Variants in ADAMTS7 observed in about 807,000 individuals in gnomAD.
The protein encoded by ADAMTS7 is A disintegrin and metalloproteinase with thrombospondin motifs 7.
Under a neutral mutation model 172.6 loss-of-function variants are expected in ADAMTS7, and 89 were observed. The observed-to-expected ratio is 0.52, with a 90% CI of 0.43 to 0.61. ADAMTS7 has a LOEUF of 0.61. Ranked by LOEUF, ADAMTS7 falls within the 20% of genes least tolerant of loss-of-function variation. ADAMTS7 has a pLI of 0.00. For synonymous variants in ADAMTS7, 885 were observed against 978.4 expected (o/e 0.90, Z 1.78); for missense variants, 1,973 against 2,355.6 (o/e 0.84, Z 3.36).
chr15:78,782,666 G>C (rs1164389594), intron 8 of ADAMTS7, among the ~76,000 whole-genome samples: 32 of 152,208 alleles, frequency 2.1e-4, no homozygotes, highest in Admixed American at 5.9e-4. Context: ...TAGCTGACTT[G>C]GTAGAGTGAT....
chr15:78,777,412 C>G (rs2055363761), intron 9 of ADAMTS7, 32 bp downstream of exon 9: 2 of 1,604,242 alleles, frequency 1.2e-6, no homozygotes, highest in Non-Finnish European at 1.7e-6. Flanking sequence ...GCCGGGTCCC[C>G]ACACCCCCAC....
intron 1 of ADAMTS7, among the ~76,000 whole-genome samples, chr15:78,808,860 G>A (rs2055830351): frequency 1.3e-5 from 2 of 152,154 alleles, no homozygotes; most frequent in Non-Finnish European, 2.9e-5. Flanking sequence ...GTTCTGATTG[G>A]ACCAAGCTCC....
At chr15:78,772,785 G>C (rs2055272091) in intron 14 of ADAMTS7, among the ~76,000 whole-genome samples, 1 of 152,280 alleles carries the variant, frequency 6.6e-6, no homozygotes, top group East Asian at 1.9e-4. Context: ...ACGGAGCTGG[G>C]GTCTCAGAAG....
At chr15:78,805,922 A>G (rs1271406306) in intron 1 of ADAMTS7, among the ~76,000 whole-genome samples, 1 of 151,860 alleles carries the variant, frequency 6.6e-6, no homozygotes, top group Non-Finnish European at 1.5e-5. Flanking sequence ...CTCTACAAAA[A>G]TACAAAAATT....
At chr15:78,797,631 C>T (rs561019531) in intron 3 of ADAMTS7, among the ~76,000 whole-genome samples, 46 of 152,298 alleles carry the variant, frequency 3.0e-4, no homozygotes, top group African/African-American at 9.9e-4. Context: ...GGAGGAAGAA[C>T]GGCTGGCAGA....
In ADAMTS7 at chr15:78,761,994, G is replaced by A. The variant is rs561956647; in HGVS notation, c.4903+409C>T. 1.1e-5 allele frequency: 11 copies of A among 985,440 alleles called. No individual in the cohort carries two copies. The Admixed American group carries it at 1.8e-4, about 16-fold the overall frequency. 61.0% of individuals were successfully genotyped at this position (985,440 alleles called of 1,614,324 possible). On this transcript the variant is annotated intron_variant, in intron 23 of 23. Transcript: ENST00000388820. The stretch of plus-strand genomic sequence containing the variant: ...CTAGGCAGTCCTCTAGCCAGGGAAT[G>A]GACAGGCCAGGGCTGGGGACAGGGA...
Position 78,771,532 on chromosome 15 carries a change from G to A in ADAMTS7, c.2376+53C>T, listed in dbSNP as rs1277628046. ...ACGAGACCTGCCATGGAGGGTGCTG[G>A]GCCTGGGGACTCCGCCTCTGCTCCC... On this transcript the variant is annotated intron_variant, in intron 15 of 23. Coordinates refer to ENST00000388820, the MANE Select transcript of ADAMTS7 (RefSeq NM_014272.5). This position sits in a 1 kb window ranked among gnomAD's most constrained non-coding sequence, Gnocchi z 4.9. 2 of 1,554,604 alleles carry A rather than the reference G, an allele frequency of 1.3e-6. No homozygotes were observed. Among genetic ancestry groups the A allele is most frequent in the Non-Finnish European group, 1.7e-6 (2 of 1,155,044 alleles).
At chr15:78,795,765 C>T (rs1481833015) in intron 4 of ADAMTS7, among the ~76,000 whole-genome samples, 1 of 152,214 alleles carries the variant, frequency 6.6e-6, no homozygotes, top group Non-Finnish European at 1.5e-5. Context: ...ATCTTTCCTC[C>T]CAGGGGCTGC....
At chr15:78,798,823 C>T (rs530004649) in intron 2 of ADAMTS7, among the ~76,000 whole-genome samples, 23 of 152,330 alleles carry the variant, frequency 1.5e-4, no homozygotes, top group Admixed American at 9.1e-4. Flanking sequence ...TTATGTCCCT[C>T]GGACTTCCCC....
intron 1 of ADAMTS7, 25 bp downstream of exon 1, chr15:78,811,096 T>A: frequency 8.3e-7 from 1 of 1,210,164 alleles, no homozygotes; most frequent in Non-Finnish European, 1.0e-6. Context: ...CAGGCCCGGC[T>A]GGCCGGGGAG....
intron 7 of ADAMTS7, among the ~76,000 whole-genome samples, chr15:78,789,046 G>A (rs2055543819): frequency 6.6e-6 from 1 of 152,226 alleles, no homozygotes; most frequent in Non-Finnish European, 1.5e-5. Flanking sequence ...GGTCCTGCAG[G>A]CACGGCCATC....
intron 8 of ADAMTS7, among the ~76,000 whole-genome samples, chr15:78,785,095 G>C (rs1281428819): frequency 6.6e-6 from 1 of 152,168 alleles, no homozygotes; most frequent in Non-Finnish European, 1.5e-5. Flanking sequence ...ACACAGGGAA[G>C]TTGGGAGGAG....
At chr15:78,773,737 G>A (rs1394821265) in intron 13 of ADAMTS7, among the ~76,000 whole-genome samples, 2 of 152,032 alleles carry the variant, frequency 1.3e-5, no homozygotes, top group Non-Finnish European at 2.9e-5. Flanking sequence ...GCTACTCTTT[G>A]CGGCTCAGAG....
chr15:78,790,328 C>G (rs1258838016), intron 6 of ADAMTS7, among the ~76,000 whole-genome samples: 1 of 152,132 alleles, frequency 6.6e-6, no homozygotes, highest in Non-Finnish European at 1.5e-5. Flanking sequence ...ACGTGTGGAA[C>G]TGATGAGATC....
chr15:78,767,081 C>G (rs182724695), intron 18 of ADAMTS7, 30 bp from the exon 19 acceptor site: 122 of 1,518,694 alleles, frequency 8.0e-5, no homozygotes, highest in East Asian at 7.0e-4. Flanking sequence ...GAGGGGCTTA[C>G]CCTGGGAGGC....
chr15:78,781,265 T>C (rs1346188563), intron 8 of ADAMTS7, among the ~76,000 whole-genome samples: 4 of 151,960 alleles, frequency 2.6e-5, no homozygotes, highest in Admixed American at 6.6e-5. Flanking sequence ...TCCTGTCCCA[T>C]CCCCAGCAAG....
rs200125702 is a variant in ADAMTS7 at position 78,770,884 on chromosome 15, C to T, written c.2518+278G>A. On this transcript the variant is annotated intron_variant, in intron 16 of 23. Coordinates refer to ENST00000388820, the MANE Select transcript of ADAMTS7 (RefSeq NM_014272.5). The stretch of plus-strand genomic sequence containing the variant: ...GTGAGGGGCCACTGGACTGGTCTAT[C>T]GAGGGGGAGCTGTGTCCCCTGGAGG... 7 of 488,476 alleles carry T rather than the reference C, an allele frequency of 1.4e-5. No individual in the cohort carries two copies. The East Asian group carries it at 2.0e-4, about 14-fold the overall frequency. The allele number at this position is 488,476 out of a possible 1,614,324, so 30.3% of individuals were successfully genotyped here.
intron 4 of ADAMTS7, among the ~76,000 whole-genome samples, chr15:78,795,873 A>T (rs2055636404): frequency 6.6e-6 from 1 of 152,178 alleles, no homozygotes; most frequent in Admixed American, 6.5e-5. Flanking sequence ...TCCCAGCTGC[A>T]ATCAGCCACA....
chr15:78,764,840 T>G, intron 19 of ADAMTS7, 133 bp from the exon 20 acceptor site: 2 of 1,019,406 alleles, frequency 2.0e-6, no homozygotes, highest in Non-Finnish European at 2.7e-6. Flanking sequence ...GTTTCCTTAT[T>G]TGCAAAATAG....
Sources: gnomAD v4.1 joint callset for allele counts (sites outside exome capture counted in the v4.1 genomes callset) on GRCh38, gnomAD v4.1.1 for gene constraint, Gnocchi (gnomAD v3.1) non-coding constraint, MANE v1.5 for transcripts, NCBI Gene and HGNC (gene_info 2026-07-23, HGNC 2026-07-21) for gene names.